GSE1: variants seen among roughly 807,000 people sequenced by gnomAD.
The protein encoded by GSE1 is genetic suppressor element 1.
A neutral mutation model predicts 112.6 loss-of-function variants in GSE1; 32 were observed. The observed-to-expected ratio is 0.28, with a 90% CI of 0.21 to 0.38. GSE1 has a LOEUF of 0.38. GSE1 is among the 10% of genes least tolerant of loss of function. The pLI, the probability that GSE1 is intolerant of heterozygous loss-of-function variation, is 1.00. For synonymous variants in GSE1, 1,115 were observed against 735.6 expected (o/e 1.52, Z -8.35); for missense variants, 2,348 against 1,699.2 (o/e 1.38, Z -6.71).
At chr16:85,376,287 T>C (rs926776655) in intron 2 of GSE1, among the ~76,000 whole-genome samples, 5 of 152,216 alleles carry the variant, frequency 3.3e-5, no homozygotes, top group Admixed American at 1.3e-4. Context: ...GAAATGGGGA[T>C]GATCGAGGAG....
intron 2 of GSE1, among the ~76,000 whole-genome samples, chr16:85,364,677 A>G (rs988094533): frequency 6.6e-6 from 1 of 152,054 alleles, no homozygotes; most frequent in Non-Finnish European, 1.5e-5. Flanking sequence ...AGACACAGGA[A>G]CACCCCTGGA....
intron 1 of GSE1, among the ~76,000 whole-genome samples, chr16:85,177,880 G>A (rs1229720193): frequency 1.3e-5 from 2 of 152,132 alleles, no homozygotes; most frequent in South Asian, 2.1e-4. Flanking sequence ...GGCCAGGGAC[G>A]AACTGCAGTC....
At chr16:85,486,813 C>G (rs568812546) in intron 2 of GSE1, among the ~76,000 whole-genome samples, 1 of 152,374 alleles carries the variant, frequency 6.6e-6, no homozygotes, top group Admixed American at 6.5e-5. Flanking sequence ...AGCCCTCTCC[C>G]TCCCTCCCGG....
At chr16:85,610,045 G>C (rs560207353), upstream of GSE1, among the ~76,000 whole-genome samples, 47 of 152,328 alleles carry the variant, frequency 3.1e-4, no homozygotes, top group African/African-American at 1.1e-3. Context: ...TTGCACCTAG[G>C]TGTCACTGAA....
At chr16:85,253,212 T>C (rs1158500023) in intron 1 of GSE1, among the ~76,000 whole-genome samples, 1 of 151,972 alleles carries the variant, frequency 6.6e-6, no homozygotes, top group African/African-American at 2.4e-5. Flanking sequence ...AAGGCCTGCC[T>C]CGCCGCCGGC....
chr16:85,206,063 A>G (rs1396035910), intron 1 of GSE1, among the ~76,000 whole-genome samples: 1 of 152,060 alleles, frequency 6.6e-6, no homozygotes, highest in Non-Finnish European at 1.5e-5. Context: ...AACAGGGAAC[A>G]GGGCAGGTAG....
intron 2 of GSE1, among the ~76,000 whole-genome samples, chr16:85,428,622 C>A (rs569108479): frequency 6.6e-6 from 1 of 152,304 alleles, no homozygotes; most frequent in South Asian, 2.1e-4. Flanking sequence ...AGTGAGGCTG[C>A]AGGCCAGCCC....
chr16:85,514,296 C>G (rs1216362207), intron 2 of GSE1, among the ~76,000 whole-genome samples: 1 of 149,902 alleles, frequency 6.7e-6, no homozygotes, highest in Non-Finnish European at 1.5e-5. Context: ...GGGAGAAGGG[C>G]CAGGAACCCC....
intron 1 of GSE1, among the ~76,000 whole-genome samples, chr16:85,294,709 C>G (rs936821842): frequency 2.8e-5 from 4 of 143,634 alleles, no homozygotes; most frequent in African/African-American, 1.0e-4. Flanking sequence ...CACCAAAACC[C>G]TAGTCTCTCC....
intron 1 of GSE1, among the ~76,000 whole-genome samples, chr16:85,288,092 T>C (rs1294172725): frequency 1.3e-5 from 2 of 151,920 alleles, no homozygotes; most frequent in Non-Finnish European, 1.5e-5. Context: ...ATATAAAAAT[T>C]AGCTTGATGT....
At position 85,654,814 on chromosome 16, in the gene GSE1, A is replaced by C; in HGVS notation, c.620A>C (p.His207Pro). The part of the protein sequence containing the change: ...PPLNLQRPVH[H>P]VVPPSTVTED... ...TGCAGCCTCCAGCGGCCCGTGCACC[A>C]CGTGGTGCCCCCCAGTACCGTGACC... is the stretch of plus-strand genomic sequence containing the variant. The change falls in exon 5 of 16, where the codon CAC (histidine) becomes CCC (proline). Residue 207 changes from histidine (H) to proline (P), a missense_variant. His to Pro is a moderately conservative substitution (Grantham distance 77). Coordinates refer to ENST00000253458, the MANE Select transcript of GSE1 (RefSeq NM_014615.5). 6.2e-7 allele frequency: 1 copy of C among 1,610,736 alleles called. No homozygotes were observed. Among genetic ancestry groups the C allele is most frequent in the Non-Finnish European group, 8.5e-7 (1 of 1,178,960 alleles).
chr16:85,461,864 C>T (rs1209512461), intron 2 of GSE1, among the ~76,000 whole-genome samples: 1 of 152,176 alleles, frequency 6.6e-6, no homozygotes, highest in African/African-American at 2.4e-5. Flanking sequence ...CAGCCCTCAC[C>T]CCTCCCCAGC....
At chr16:85,207,385 C>G (rs1253723005) in intron 1 of GSE1, among the ~76,000 whole-genome samples, 1 of 152,222 alleles carries the variant, frequency 6.6e-6, no homozygotes, top group Non-Finnish European at 1.5e-5. Flanking sequence ...CCCCATCACT[C>G]AATCACCCAG....
intron 1 of GSE1, among the ~76,000 whole-genome samples, chr16:85,274,726 C>A (rs1207187932): frequency 1.3e-5 from 2 of 152,262 alleles, no homozygotes; most frequent in African/African-American, 4.8e-5. Flanking sequence ...ACCCAGAGCG[C>A]TGGTCCAGGC....
intron 1 of GSE1, among the ~76,000 whole-genome samples, chr16:85,346,898 T>C (rs1036946707): frequency 4.0e-5 from 6 of 151,498 alleles, no homozygotes; most frequent in African/African-American, 1.5e-4. Context: ...GGATGGATGG[T>C]GGACAGGTGA....
rs1215675808 is a variant in GSE1 at position 85,655,096 on chromosome 16, A to AG, written c.797+109dup. On this transcript the variant is annotated intron_variant, in intron 5 of 15. Transcript: ENST00000253458. ...CTTATGACCTGAGAGCCAGGCTCCT[A>AG]GGGGAGGGTCTAGAGTAGCCCCTGA... is the stretch of plus-strand genomic sequence containing the variant. 3.6e-5 allele frequency: 28 copies of AG among 783,708 alleles called. 1 individual carries two copies. In the South Asian group the frequency reaches 4.2e-4, roughly 12 times the overall value. 48.5% of individuals were successfully genotyped at this position (783,708 alleles called of 1,614,324 possible).
chr16:85,338,827 C>T (rs924069796), intron 1 of GSE1, among the ~76,000 whole-genome samples: 2 of 152,098 alleles, frequency 1.3e-5, no homozygotes, highest in East Asian at 1.9e-4. Flanking sequence ...CGAGTCAGTG[C>T]GTGAAGCAGG....
chr16:85,319,841 A>C (rs1326120677), intron 1 of GSE1, among the ~76,000 whole-genome samples: 1 of 152,138 alleles, frequency 6.6e-6, no homozygotes, highest in Non-Finnish European at 1.5e-5. Context: ...AACATCCTTG[A>C]ACTGAACTGA....
chr16:85,652,885 C>T (rs74034016), intron 3 of GSE1, among the ~76,000 whole-genome samples: 1,961 of 152,050 alleles, frequency 0.013, 50 homozygotes, highest in African/African-American at 0.045. Flanking sequence ...GGAGGCAGAG[C>T]GGGGCTGGTG....
Sources: allele counts gnomAD v4.1 joint callset (sites outside exome capture counted in the v4.1 genomes callset), GRCh38; gene constraint gnomAD v4.1.1; transcripts MANE v1.5; gene names NCBI Gene and HGNC (gene_info 2026-07-23, HGNC 2026-07-21).